ROBO2: variants seen among roughly 807,000 people sequenced by gnomAD.
ROBO2 encodes roundabout homolog 2.
A neutral mutation model predicts 160.8 loss-of-function variants in ROBO2; 53 were observed. The ratio of observed to expected loss-of-function variants is 0.33; its 90% confidence interval spans 0.26 to 0.41. The LOEUF (loss-of-function observed/expected upper bound fraction) is 0.41. Among genes scored for constraint, ROBO2 ranks in the 10% least tolerant of loss-of-function variants. The pLI, the probability that ROBO2 is intolerant of heterozygous loss-of-function variation, is 1.00. For missense variants in ROBO2, 1,577 were observed against 1,722.4 expected, an observed-to-expected ratio of 0.92 and a Z score of 1.49; for synonymous variants, 664 against 611.7, an observed-to-expected ratio of 1.09 and a Z score of -1.26.
At chr3:76,604,898 A>T (rs1163584358) in intron 2 of ROBO2, among the ~76,000 whole-genome samples, 1 of 152,194 alleles carries the variant, frequency 6.6e-6, no homozygotes, top group Non-Finnish European at 1.5e-5. Flanking sequence ...TAAGTAATCA[A>T]ATAGATAGCT....
At position 76,479,072 on chromosome 3, in the gene ROBO2, G is replaced by T. The variant is rs148872627; in HGVS notation, c.109+541470G>T. On this transcript the variant is annotated intron_variant, in intron 2 of 26. Transcript: ENST00000487694. ...AAATGGCCTCTGCTGCATTAAGATGGCCTGGTTCTCACCTGCCTTTGTAGA... is the reference window on the plus strand; with the variant it reads ...AAATGGCCTCTGCTGCATTAAGATGTCCTGGTTCTCACCTGCCTTTGTAGA... Among the ~76,000 whole-genome samples the T allele has an allele frequency of 4.6e-5, 7 of 152,194 alleles. No homozygotes were observed. The East Asian group carries it at 9.7e-4, about 21-fold the overall frequency.
chr3:77,562,727 TGACAGGTGAG>T lies in ROBO2; in HGVS notation c.1518_1519+8del. On this transcript the variant is annotated splice_donor_variant and splice_donor_5th_base_variant and coding_sequence_variant and intron_variant, in exon 10 of 26. Coordinates refer to ENST00000461745, the Ensembl canonical transcript of ROBO2. LOFTEE classifies it high-confidence loss of function. ...ACTTCCTGGAGTGCAGTGCTGGATG[TGACAGGTGAG>T]GACTTTGTGAATTAGGAGAAATCTT... The T allele has an allele frequency of 6.2e-7, 1 of 1,611,294 alleles. No individual in the cohort carries two copies. Among genetic ancestry groups the T allele is most frequent in the Non-Finnish European group, 8.5e-7 (1 of 1,177,934 alleles).
At chr3:76,034,711 C>T (rs1245055170) in intron 2 of ROBO2, among the ~76,000 whole-genome samples, 1 of 152,094 alleles carries the variant, frequency 6.6e-6, no homozygotes, top group Non-Finnish European at 1.5e-5. Flanking sequence ...GTGCCATTAT[C>T]TTGCTTTAAG....
intron 2 of ROBO2, among the ~76,000 whole-genome samples, chr3:77,003,142 G>A (rs1253214708): frequency 1.3e-5 from 2 of 152,048 alleles, no homozygotes; most frequent in African/African-American, 2.4e-5. Context: ...TCTTTGTTAT[G>A]TAGCACCTTT....
intron 2 of ROBO2, among the ~76,000 whole-genome samples, chr3:77,113,552 A>T (rs1224625067): frequency 6.6e-6 from 1 of 152,188 alleles, no homozygotes; most frequent in East Asian, 1.9e-4. Flanking sequence ...TTACTAATGA[A>T]GTACCCAATG....
chr3:76,294,841 C>G (rs945579175), intron 2 of ROBO2, among the ~76,000 whole-genome samples: 18 of 152,264 alleles, frequency 1.2e-4, no homozygotes, highest in African/African-American at 4.1e-4. Context: ...TTGATAACTT[C>G]AATGAGGGAT....
intron 6 of ROBO2, 130 bp from the exon 8 acceptor site, chr3:77,546,208 T>C (rs888062230): frequency 1.4e-4 from 147 of 1,039,556 alleles, no homozygotes; most frequent in Middle Eastern, 6.2e-4. Context: ...GAGAAATGTG[T>C]AAAAGTAAAT....
chr3:77,187,054 TA>T (rs1360650591), intron 2 of ROBO2, among the ~76,000 whole-genome samples: 1 of 151,948 alleles, frequency 6.6e-6, no homozygotes, highest in Non-Finnish European at 1.5e-5. Context: ...CTCATTGAAG[TA>T]AATGAAAATG....
intron 2 of ROBO2, among the ~76,000 whole-genome samples, chr3:76,827,574 A>G (rs2066696589): frequency 6.6e-6 from 1 of 152,142 alleles, no homozygotes; most frequent in African/African-American, 2.4e-5. Context: ...TGACAACATT[A>G]CAGGGTTCAA....
At chr3:76,371,251 T>C (rs536920637) in intron 2 of ROBO2, among the ~76,000 whole-genome samples, 17 of 152,114 alleles carry the variant, frequency 1.1e-4, no homozygotes, top group African/African-American at 3.9e-4. Flanking sequence ...ATCTGTAACC[T>C]TCTTTGGGTA....
At chr3:77,451,771 T>G (rs1261307621) in intron 2 of ROBO2, among the ~76,000 whole-genome samples, 1 of 151,446 alleles carries the variant, frequency 6.6e-6, no homozygotes, top group African/African-American at 2.4e-5. Flanking sequence ...GCAAATCCTT[T>G]TTTTTTAATT....
chr3:77,315,941 A>C (rs1183293073), intron 2 of ROBO2, among the ~76,000 whole-genome samples: 1 of 152,150 alleles, frequency 6.6e-6, no homozygotes, highest in Non-Finnish European at 1.5e-5. Flanking sequence ...GATGTTAATT[A>C]CAGCATTTGA....
chr3:76,843,110 A>G (rs1278499670), intron 2 of ROBO2, among the ~76,000 whole-genome samples: 1 of 151,900 alleles, frequency 6.6e-6, no homozygotes, highest in Non-Finnish European at 1.5e-5. Context: ...GAAGTACCTT[A>G]TAATTGTGTT....
intron 2 of ROBO2, among the ~76,000 whole-genome samples, chr3:75,950,022 G>GTA (rs139672674): frequency 6.6e-6 from 1 of 151,266 alleles, no homozygotes; most frequent in East Asian, 1.9e-4. Flanking sequence ...ACATATGCAT[G>GTA]TGTGTGTGTG....
At chr3:76,335,374 G>T (rs1388603760) in intron 2 of ROBO2, among the ~76,000 whole-genome samples, 1 of 151,348 alleles carries the variant, frequency 6.6e-6, no homozygotes, top group Non-Finnish European at 1.5e-5. Flanking sequence ...TAGAGACGGG[G>T]TTTTACCATG....
At chr3:76,045,089 A>G (rs537768479) in intron 2 of ROBO2, among the ~76,000 whole-genome samples, 10 of 151,948 alleles carry the variant, frequency 6.6e-5, no homozygotes, top group Non-Finnish European at 1.5e-4. Context: ...CCTGGGAGAG[A>G]ATGTAATTTT....
At chr3:76,766,950 T>A (rs542993045) in intron 2 of ROBO2, among the ~76,000 whole-genome samples, 1 of 151,578 alleles carries the variant, frequency 6.6e-6, no homozygotes, top group African/African-American at 2.4e-5. Flanking sequence ...ATGGAAGGAT[T>A]TCTACAAGGT....
At chr3:76,249,295 T>C (rs1182915132) in intron 2 of ROBO2, among the ~76,000 whole-genome samples, 3 of 151,938 alleles carry the variant, frequency 2.0e-5, no homozygotes, top group Non-Finnish European at 2.9e-5. Flanking sequence ...AGTTGGAGAG[T>C]CAGGACTTGA....
At chr3:77,246,368 G>A (rs2089732185) in intron 2 of ROBO2, among the ~76,000 whole-genome samples, 1 of 135,190 alleles carries the variant, frequency 7.4e-6, no homozygotes, top group African/African-American at 2.9e-5. Context: ...TGTTTTGCAT[G>A]TTGGCTAAGT....
Sources: allele counts gnomAD v4.1 joint callset (sites outside exome capture counted in the v4.1 genomes callset), GRCh38; gene constraint gnomAD v4.1.1; transcripts MANE v1.5; gene names NCBI Gene and HGNC (gene_info 2026-07-23, HGNC 2026-07-21).